DGKG: variants seen among roughly 807,000 people sequenced by gnomAD.
The protein encoded by DGKG is DAG kinase gamma.
DGKG carries 78 observed loss-of-function variants against 105.3 expected under a neutral mutation model. That is an observed-to-expected ratio of 0.74 (90% confidence interval 0.62 to 0.89). DGKG has a LOEUF of 0.89. DGKG is among the 40% of genes least tolerant of loss of function. DGKG has a pLI of 0.00. For synonymous variants in DGKG, 346 were observed against 367.1 expected (o/e 0.94, Z 0.66); for missense variants, 958 against 1,020.1 (o/e 0.94, Z 0.83).
chr3:186,325,994 C>G (rs1186061066), intron 1 of DGKG, among the ~76,000 whole-genome samples: 1 of 152,160 alleles, frequency 6.6e-6, no homozygotes, highest in Non-Finnish European at 1.5e-5. Flanking sequence ...CTAAGGAGTT[C>G]CTTTGGTGAA....
intron 14 of DGKG, 84 bp downstream of exon 14, chr3:186,265,163 T>G: frequency 2.2e-6 from 3 of 1,344,784 alleles, no homozygotes; most frequent in Non-Finnish European, 3.2e-6. Context: ...GAGATGCTTT[T>G]CTGTAGAACC....
At chr3:186,211,070 A>C (rs1270650456) in intron 21 of DGKG, among the ~76,000 whole-genome samples, 8 of 152,228 alleles carry the variant, frequency 5.3e-5, no homozygotes, top group Non-Finnish European at 1.2e-4. Context: ...GCCAGCAGGC[A>C]GACTGTCTGA....
chr3:186,275,945 GATCTATCT>G (rs146027394), intron 9 of DGKG, among the ~76,000 whole-genome samples: 27,756 of 148,586 alleles, frequency 0.19, 2,570 homozygotes, highest in Middle Eastern at 0.26. Context: ...ACAACAATCT[GATCTATCT>G]ATCTATCTAT....
chr3:186,350,024 C>T (rs1003103649), intron 1 of DGKG, among the ~76,000 whole-genome samples: 2 of 151,938 alleles, frequency 1.3e-5, no homozygotes, highest in African/African-American at 2.4e-5. Context: ...AGCTGGGATA[C>T]CGATGTGTGC....
chr3:186,191,499 T>C (rs750101871), intron 21 of DGKG, among the ~76,000 whole-genome samples: 2 of 152,214 alleles, frequency 1.3e-5, no homozygotes, highest in African/African-American at 2.4e-5. Context: ...CAAATGTGTG[T>C]GTGTGTTTCA....
intron 19 of DGKG, among the ~76,000 whole-genome samples, chr3:186,244,486 C>A (rs1045102122): frequency 6.6e-6 from 1 of 150,876 alleles, no homozygotes; most frequent in Admixed American, 6.6e-5. Flanking sequence ...CTCACTGCAA[C>A]CTTCACCTCC....
chr3:186,297,104 A>G (rs1339792124), intron 5 of DGKG, among the ~76,000 whole-genome samples: 1 of 133,904 alleles, frequency 7.5e-6, no homozygotes, highest in African/African-American at 2.7e-5. Context: ...ACACACACAC[A>G]CTTCCCCTGA....
Position 186,203,308 on chromosome 3 carries a change from A to G in DGKG, c.1917+8487T>C, listed in dbSNP as rs1718564715. ...ACAGAGGTCCTCAGGAGGCCTGATG[A>G]TAAAGAAACAAGGGCTAACATTACC... On this transcript the variant is annotated intron_variant, in intron 21 of 24. Coordinates refer to ENST00000265022, the MANE Select transcript of DGKG (RefSeq NM_001346.3). This position sits in a 1 kb window ranked among gnomAD's most constrained non-coding sequence, Gnocchi z 4.9. Among the ~76,000 whole-genome samples the G allele has an allele frequency of 1.3e-5, 2 of 152,238 alleles. No homozygotes were observed. The highest frequency in any genetic ancestry group is 2.9e-5 in the Non-Finnish European group (2 of 68,048).
chr3:186,297,353 T>C, intron 5 of DGKG, 68 bp downstream of exon 5: 1 of 1,217,540 alleles, frequency 8.2e-7, no homozygotes, highest in South Asian at 1.2e-5. Context: ...TGGTTAGGTT[T>C]CCCCACTTCT....
At chr3:186,240,144 T>A (rs148235332) in intron 20 of DGKG, among the ~76,000 whole-genome samples, 6 of 152,310 alleles carry the variant, frequency 3.9e-5, no homozygotes, top group African/African-American at 7.2e-5. Context: ...TACTGCACCC[T>A]CTCACTCCTT....
At chr3:186,328,402 G>C (rs1725446442) in intron 1 of DGKG, among the ~76,000 whole-genome samples, 1 of 152,126 alleles carries the variant, frequency 6.6e-6, no homozygotes, top group Non-Finnish European at 1.5e-5. Context: ...GTCTGAAGCA[G>C]GCACAAATAA....
At chr3:186,239,683 T>C (rs1226010549) in intron 20 of DGKG, among the ~76,000 whole-genome samples, 1 of 152,214 alleles carries the variant, frequency 6.6e-6, no homozygotes, top group Non-Finnish European at 1.5e-5. Context: ...CCCTTCTGTC[T>C]TCGTTTGTTA....
At chr3:186,307,559 G>A (rs959182721) in intron 2 of DGKG, among the ~76,000 whole-genome samples, 1 of 152,116 alleles carries the variant, frequency 6.6e-6, no homozygotes, top group Non-Finnish European at 1.5e-5. Flanking sequence ...ATGTAATAGT[G>A]CTTGTCATAT....
intron 4 of DGKG, among the ~76,000 whole-genome samples, chr3:186,297,755 C>T (rs551613661): frequency 1.6e-4 from 25 of 152,320 alleles, no homozygotes; most frequent in African/African-American, 4.8e-4. Flanking sequence ...GTGCTCCATC[C>T]GTGGACCGTC....
chr3:186,150,280 A>G, intron 24 of DGKG, 92 bp from the exon 25 acceptor site: 1 of 1,455,104 alleles, frequency 6.9e-7, no homozygotes, highest in Non-Finnish European at 9.2e-7. Context: ...GGCCAGCTTC[A>G]GGATGGAAGG....
chr3:186,249,542 T>A (rs964026430), intron 19 of DGKG, among the ~76,000 whole-genome samples: 1 of 152,176 alleles, frequency 6.6e-6, no homozygotes, highest in Admixed American at 6.5e-5. Flanking sequence ...AGCCTTCTTA[T>A]TAAAAAAATA....
At chr3:186,209,088 C>CTTTTTTTTT (rs1560096022) in intron 21 of DGKG, among the ~76,000 whole-genome samples, 82 of 124,890 alleles carry the variant, frequency 6.6e-4, no homozygotes, top group African/African-American at 2.6e-3. Flanking sequence ...CTTCAGTTTA[C>CTTTTTTTTT]TCTTCTTTTT....
chr3:186,259,832 GACCACGCCTCCC>G (rs1003658624), intron 16 of DGKG, among the ~76,000 whole-genome samples: 4 of 152,150 alleles, frequency 2.6e-5, no homozygotes, highest in Non-Finnish European at 5.9e-5. Flanking sequence ...CAGACACAGG[GACCACGCCTCCC>G]ACCAGGCCTC....
intron 3 of DGKG, among the ~76,000 whole-genome samples, chr3:186,299,746 C>A: frequency 6.6e-6 from 1 of 151,170 alleles, no homozygotes; most frequent in African/African-American, 2.5e-5. Flanking sequence ...TTCCTCCTCT[C>A]TTTTCTTTTT....
Sources: allele counts gnomAD v4.1 joint callset (sites outside exome capture counted in the v4.1 genomes callset), GRCh38; gene constraint gnomAD v4.1.1; non-coding constraint Gnocchi (gnomAD v3.1); transcripts MANE v1.5; gene names NCBI Gene and HGNC (gene_info 2026-07-23, HGNC 2026-07-21).